Variants in ANXA2 observed in about 807,000 individuals in gnomAD.
ANXA2 encodes annexin II.
Under a neutral mutation model 47.3 loss-of-function variants are expected in ANXA2, and 28 were observed. The observed-to-expected ratio is 0.59, with a 90% CI of 0.44 to 0.81. The LOEUF (loss-of-function observed/expected upper bound fraction) is 0.81. Ranked by LOEUF, ANXA2 falls within the 40% of genes least tolerant of loss-of-function variation. The pLI, the probability that ANXA2 is intolerant of heterozygous loss-of-function variation, is 0.00. For missense variants in ANXA2, 384 were observed against 414.3 expected (o/e 0.93, Z 0.64); for synonymous variants, 172 against 155.5 (o/e 1.11, Z -0.79).
intron 4 of ANXA2, chr15:60,361,472 T>C (rs1019654774): frequency 2.1e-5 from 4 of 189,800 alleles, no homozygotes; most frequent in Non-Finnish European, 4.4e-5. Context: ...GCAGATCTTG[T>C]GGCCTCCCGA....
At chr15:60,356,089 A>G in intron 6 of ANXA2, 91 bp from the exon 7 acceptor site, 1 of 931,990 alleles carries the variant, frequency 1.1e-6, no homozygotes, top group East Asian at 2.4e-5. Flanking sequence ...GACTCTGAGA[A>G]GCAGAACAGC....
At chr15:60,375,659 G>A (rs16942538) in intron 3 of ANXA2, among the ~76,000 whole-genome samples, 1,857 of 152,278 alleles carry the variant, frequency 0.012, 45 homozygotes, top group African/African-American at 0.043. Flanking sequence ...AAGGTAAGTC[G>A]TTGCATAGTC....
At chr15:60,393,019 C>T (rs569133722) in intron 1 of ANXA2, 12 of 1,285,334 alleles carry the variant, frequency 9.3e-6, no homozygotes, top group African/African-American at 9.2e-5. Context: ...CCACCTACTG[C>T]ATCTTTATTT....
intron 6 of ANXA2, among the ~76,000 whole-genome samples, chr15:60,356,777 A>G (rs1332253255): frequency 6.6e-6 from 1 of 152,230 alleles, no homozygotes; most frequent in Admixed American, 6.5e-5. Flanking sequence ...AATTATCCAC[A>G]GTCCAGAGTT....
intron 3 of ANXA2, among the ~76,000 whole-genome samples, chr15:60,371,410 C>G (rs1427959493): frequency 1.3e-5 from 2 of 152,190 alleles, no homozygotes; most frequent in African/African-American, 4.8e-5. Flanking sequence ...TGGCTGGATC[C>G]AAAACCACAA....
At chr15:60,354,235 C>T (rs374055218) in intron 7 of ANXA2, 22 bp from the exon 8 acceptor site, 17 of 1,580,984 alleles carry the variant, frequency 1.1e-5, no homozygotes, top group Non-Finnish European at 1.5e-5. Context: ...AGAAAAAGAA[C>T]TTCAAATACA....
At chr15:60,354,920 G>A (rs781475055) in intron 7 of ANXA2, among the ~76,000 whole-genome samples, 11 of 152,320 alleles carry the variant, frequency 7.2e-5, no homozygotes, top group South Asian at 6.2e-4. Flanking sequence ...AAATGCGGGC[G>A]GAGGAAGAAC....
At chr15:60,393,519 T>TAA (rs979287947) in intron 1 of ANXA2, 3 of 990,776 alleles carry the variant, frequency 3.0e-6, no homozygotes, top group Non-Finnish European at 3.6e-6. Flanking sequence ...ATATCTTCTA[T>TAA]ACACACACAC....
At chr15:60,380,505 A>G (rs577532336) in intron 3 of ANXA2, among the ~76,000 whole-genome samples, 64 of 151,900 alleles carry the variant, frequency 4.2e-4, no homozygotes, top group South Asian at 2.7e-3. Context: ...AAAAAAAAAA[A>G]AAAAGAAAAA....
At chr15:60,351,320 GC>G (rs1896004670) in intron 10 of ANXA2, 69 bp from the exon 11 acceptor site, 4 of 1,506,002 alleles carry the variant, frequency 2.7e-6, no homozygotes, top group Non-Finnish European at 3.7e-6. Context: ...GAGAGAGGAT[GC>G]CCTGGCCCTG....
At chr15:60,387,399 T>G (rs979149834) in intron 1 of ANXA2, among the ~76,000 whole-genome samples, 2 of 152,200 alleles carry the variant, frequency 1.3e-5, no homozygotes, top group African/African-American at 4.8e-5. Flanking sequence ...AATTCTGGTT[T>G]GTAAAAAGTA....
chr15:60,352,542 G>C lies in ANXA2; in HGVS notation c.589-66C>G, dbSNP rs2062366058. 1 of 1,231,532 alleles carries C rather than the reference G, an allele frequency of 8.1e-7. No homozygotes were observed. The allele number at this position is 1,231,532 out of a possible 1,614,324, so 76.3% of individuals were successfully genotyped here. On this transcript the variant is annotated intron_variant, in intron 8 of 12. Transcript: ENST00000451270. The surrounding 1 kb of genome is among the most constrained non-coding windows in gnomAD (Gnocchi z 4.2). ...AATGTAACGTCAAAAAAAATGTCAT[G>C]CAAAAAAAACAAAAAAAGCTACACA...
At chr15:60,385,957 G>C (rs2062926957) in intron 2 of ANXA2, 71 bp downstream of exon 2, 2 of 996,154 alleles carry the variant, frequency 2.0e-6, no homozygotes, top group South Asian at 1.5e-5. Context: ...TACAAGGATA[G>C]AGAGTAATAT....
At chr15:60,384,685 G>A (rs2140917722) in intron 2 of ANXA2, 1 of 152,224 alleles carries the variant, frequency 6.6e-6, no homozygotes, top group African/African-American at 2.4e-5. Flanking sequence ...GTTTCAAGAA[G>A]AAAAAAGATT....
chr15:60,360,061 A>T (rs927919682), intron 5 of ANXA2, among the ~76,000 whole-genome samples: 14 of 152,252 alleles, frequency 9.2e-5, no homozygotes, highest in Non-Finnish European at 1.9e-4. Context: ...GTTTGAGACC[A>T]GCCTGACCAA....
chr15:60,377,119 G>C (rs140829857), intron 3 of ANXA2, among the ~76,000 whole-genome samples: 8 of 152,320 alleles, frequency 5.3e-5, no homozygotes, highest in African/African-American at 1.9e-4. Context: ...CCCGATGAAG[G>C]GTTAGAGGTG....
chr15:60,393,784 G>A (rs958808402), intron 1 of ANXA2: 3 of 790,802 alleles, frequency 3.8e-6, no homozygotes, highest in East Asian at 1.3e-4. Flanking sequence ...CGTATTATCC[G>A]CCCACAGGGT....
At position 60,352,001 on chromosome 15, in the gene ANXA2, C is replaced by G. The variant is rs1427269510; in HGVS notation, c.683-182G>C. Among the ~76,000 whole-genome samples the G allele has an allele frequency of 6.6e-6, 1 of 152,150 alleles. No individual in the cohort carries two copies. The highest frequency in any genetic ancestry group is 2.4e-5 in the African/African-American group (1 of 41,420). ...TTGGCCAAGTTTGTCGTGGAACAGC[C>G]ATACCACCTGTCCTGAATGGCACTG... On this transcript the variant is annotated intron_variant, in intron 9 of 12. Coordinates refer to ENST00000451270, the MANE Select transcript of ANXA2 (RefSeq NM_004039.3). This position sits in a 1 kb window ranked among gnomAD's most constrained non-coding sequence, Gnocchi z 4.2.
At position 60,353,362 on chromosome 15, in the gene ANXA2, C is replaced by A. The variant is rs1595663407; in HGVS notation, c.588+792G>T. Among the ~76,000 whole-genome samples, 3 of 152,174 alleles carry A rather than the reference C, an allele frequency of 2.0e-5. No homozygotes were observed. In the South Asian group the frequency reaches 6.2e-4, roughly 32 times the overall value. On this transcript the variant is annotated intron_variant, in intron 8 of 12. Coordinates refer to ENST00000451270, the MANE Select transcript of ANXA2 (RefSeq NM_004039.3). ...CCCTTTCTCCCCCACCACAACAGAG[C>A]AGTACACCATCCTGTCCCTGGCTGT...
Sources: allele counts gnomAD v4.1 joint callset (sites outside exome capture counted in the v4.1 genomes callset), GRCh38; gene constraint gnomAD v4.1.1; non-coding constraint Gnocchi (gnomAD v3.1); transcripts MANE v1.5; gene names NCBI Gene and HGNC (gene_info 2026-07-23, HGNC 2026-07-21).